PTPRG: variants seen among roughly 807,000 people sequenced by gnomAD.
The protein encoded by PTPRG is receptor-type tyrosine-protein phosphatase gamma.
PTPRG carries 102 observed loss-of-function variants against 165.3 expected under a neutral mutation model. The observed-to-expected ratio is 0.62, with a 90% CI of 0.53 to 0.73. PTPRG has a LOEUF of 0.73. PTPRG is among the 30% of genes least tolerant of loss of function. PTPRG has a pLI of 0.00. For missense variants in PTPRG, 1,866 were observed against 1,861.4 expected, an observed-to-expected ratio of 1.00 and a Z score of -0.05; for synonymous variants, 675 against 669.5, an observed-to-expected ratio of 1.01 and a Z score of -0.13.
Position 62,269,018 on chromosome 3 carries a change from C to A in PTPRG, c.2875-17C>A. 6.5e-7 allele frequency: 1 copy of A among 1,535,602 alleles called. No individual in the cohort carries two copies. Among genetic ancestry groups the A allele is most frequent in the Non-Finnish European group, 8.8e-7 (1 of 1,131,078 alleles). ...CATAGATTGCAGTTATACTTTACAA[C>A]TTTTTTCTTTCTGCAGCGAAAATGT... is the stretch of plus-strand genomic sequence containing the variant. On this transcript the variant is annotated splice_polypyrimidine_tract_variant and intron_variant, in intron 19 of 29. Transcript: ENST00000474889.
chr3:61,715,169 C>CT (rs11392995), intron 1 of PTPRG, among the ~76,000 whole-genome samples: 10,237 of 148,398 alleles, frequency 0.069, 684 homozygotes, highest in African/African-American at 0.17. Flanking sequence ...CTCCTGCTTG[C>CT]TTTTTTTTTC....
intron 2 of PTPRG, among the ~76,000 whole-genome samples, chr3:61,773,377 C>T (rs892010211): frequency 6.6e-6 from 1 of 152,058 alleles, no homozygotes; most frequent in Non-Finnish European, 1.5e-5. Context: ...AACTACAGAC[C>T]ATTGGTAGCA....
chr3:61,645,308 CTG>C (rs553600612), intron 1 of PTPRG, among the ~76,000 whole-genome samples: 125 of 152,338 alleles, frequency 8.2e-4, no homozygotes, highest in Admixed American at 1.5e-3. Context: ...CTTTTCTATG[CTG>C]TGTGTTTGCC....
intron 1 of PTPRG, among the ~76,000 whole-genome samples, chr3:61,563,568 C>T (rs748007822): frequency 6.6e-5 from 10 of 152,224 alleles, no homozygotes; most frequent in Non-Finnish European, 1.2e-4. Context: ...CTTTTCATCC[C>T]TCGCTCCCCT....
At chr3:61,975,541 C>T (rs898809223) in intron 2 of PTPRG, among the ~76,000 whole-genome samples, 1 of 152,204 alleles carries the variant, frequency 6.6e-6, no homozygotes, top group Non-Finnish European at 1.5e-5. Flanking sequence ...TTTAGCATTT[C>T]GGAAACACTG....
At chr3:61,576,717 A>T (rs1163743287) in intron 1 of PTPRG, among the ~76,000 whole-genome samples, 1 of 152,210 alleles carries the variant, frequency 6.6e-6, no homozygotes, top group Non-Finnish European at 1.5e-5. Context: ...TCTTGGAAAT[A>T]GGTGTGCTGC....
At chr3:61,989,366 C>A (rs2040831865) in intron 2 of PTPRG, among the ~76,000 whole-genome samples, 1 of 152,202 alleles carries the variant, frequency 6.6e-6, no homozygotes, top group African/African-American at 2.4e-5. Flanking sequence ...AGCCCTTCTA[C>A]ACAACTCTCT....
intron 6 of PTPRG, among the ~76,000 whole-genome samples, chr3:62,150,984 C>G (rs1457762420): frequency 6.6e-6 from 1 of 152,084 alleles, no homozygotes; most frequent in East Asian, 1.9e-4. Context: ...CCTATATAAC[C>G]AAAGCATTGA....
intron 8 of PTPRG, among the ~76,000 whole-genome samples, chr3:62,187,487 A>G (rs1357961173): frequency 6.6e-6 from 1 of 152,228 alleles, no homozygotes; most frequent in Non-Finnish European, 1.5e-5. Flanking sequence ...TGAAAATCCT[A>G]TGAAATTGAA....
chr3:61,765,879 C>G lies in PTPRG; in HGVS notation c.190+16897C>G, dbSNP rs187260866. 3.9e-4 allele frequency among the ~76,000 whole-genome samples: 60 copies of G among 152,254 alleles called. No individual in the cohort carries two copies. In the East Asian group the frequency reaches 0.011, roughly 27 times the overall value. ...CCTGAATTTTCCACAGAGCAGATGG[C>G]TGTTTGTACTCATTTGTTCCCAAAC... is the stretch of plus-strand genomic sequence containing the variant. On this transcript the variant is annotated intron_variant, in intron 2 of 29. Coordinates refer to ENST00000474889, the MANE Select transcript of PTPRG (RefSeq NM_002841.4).
chr3:62,011,323 C>T (rs1186410869), intron 4 of PTPRG, among the ~76,000 whole-genome samples: 1 of 152,180 alleles, frequency 6.6e-6, no homozygotes, highest in African/African-American at 2.4e-5. Context: ...CTACGGGAAC[C>T]CTTCCCTTAC....
chr3:61,654,934 A>C (rs1312036073), intron 1 of PTPRG, among the ~76,000 whole-genome samples: 4 of 151,426 alleles, frequency 2.6e-5, no homozygotes, highest in Non-Finnish European at 4.4e-5. Context: ...GGTGCCCACC[A>C]CCATGCCCAG....
chr3:62,056,703 A>G (rs767225847), intron 4 of PTPRG, among the ~76,000 whole-genome samples: 3 of 152,176 alleles, frequency 2.0e-5, no homozygotes, highest in Non-Finnish European at 4.4e-5. Flanking sequence ...GACATTACCA[A>G]ATGTCCCCTG....
chr3:61,908,882 A>C (rs2107535754), intron 2 of PTPRG, among the ~76,000 whole-genome samples: 1 of 152,284 alleles, frequency 6.6e-6, no homozygotes, highest in Non-Finnish European at 1.5e-5. Flanking sequence ...CCTTACATGG[A>C]AGCTGAGATA....
chr3:62,110,089 CTTTTTTTTTTT>C (rs371457716), intron 5 of PTPRG, among the ~76,000 whole-genome samples: 20 of 79,982 alleles, frequency 2.5e-4, no homozygotes, highest in Admixed American at 2.0e-3. Flanking sequence ...GAAATAATGG[CTTTTTTTTTTT>C]TTTTTTTTTT....
intron 2 of PTPRG, among the ~76,000 whole-genome samples, chr3:61,852,695 T>C (rs1372013343): frequency 1.3e-5 from 2 of 152,182 alleles, no homozygotes; most frequent in Non-Finnish European, 2.9e-5. Context: ...CTTTGTGGTC[T>C]TTGTATTATG....
Position 62,203,051 on chromosome 3 carries a change from A to G in PTPRG, c.1378-122A>G, listed in dbSNP as rs1700132257. On this transcript the variant is annotated intron_variant, in intron 11 of 29. Coordinates refer to ENST00000474889, the MANE Select transcript of PTPRG (RefSeq NM_002841.4). This position sits in a 1 kb window ranked among gnomAD's most constrained non-coding sequence, Gnocchi z 6.4. ...GCCATACATTGGAAAACTCCATAGC[A>G]TAGATGAGTAAAATCCTCAGAGGGT... 6.8e-7 allele frequency: 1 copy of G among 1,471,526 alleles called. No homozygotes were observed. The highest frequency in any genetic ancestry group is 1.4e-5 in the African/African-American group (1 of 70,834). 91.2% of individuals were successfully genotyped at this position (1,471,526 alleles called of 1,614,324 possible).
At chr3:61,682,054 C>G (rs1209647806) in intron 1 of PTPRG, among the ~76,000 whole-genome samples, 1 of 145,880 alleles carries the variant, frequency 6.9e-6, no homozygotes, top group Non-Finnish European at 1.5e-5. Context: ...GAGGCTGAGG[C>G]AGGAGAATCA....
At chr3:61,594,471 C>CCAT (rs1700645426) in intron 1 of PTPRG, among the ~76,000 whole-genome samples, 1 of 151,874 alleles carries the variant, frequency 6.6e-6, no homozygotes, top group African/African-American at 2.4e-5. Context: ...GAAGAGAAGA[C>CCAT]AGTGATTACA....
Sources: gnomAD v4.1 joint callset for allele counts (sites outside exome capture counted in the v4.1 genomes callset) on GRCh38, gnomAD v4.1.1 for gene constraint, Gnocchi (gnomAD v3.1) non-coding constraint, MANE v1.5 for transcripts, NCBI Gene and HGNC (gene_info 2026-07-23, HGNC 2026-07-21) for gene names.